RTN2: variants seen among roughly 807,000 people sequenced by gnomAD.
The protein encoded by RTN2 is reticulon 2, also known as reticulon-2.
In RTN2, 36 loss-of-function variants were observed where a neutral mutation model predicts 63.7. That is an observed-to-expected ratio of 0.56 (90% CI 0.43 to 0.75). RTN2 has a LOEUF of 0.75. Among genes scored for constraint, RTN2 ranks in the 30% least tolerant of loss-of-function variants. RTN2 has a pLI of 0.00. For missense variants in RTN2, 673 were observed against 705.1 expected (o/e 0.95, Z 0.52); for synonymous variants, 312 against 313.0 (o/e 1.00, Z 0.03).
At chr19:45,491,285 T>C (rs1224739623) in intron 5 of RTN2, among the ~76,000 whole-genome samples, 2 of 150,342 alleles carry the variant, frequency 1.3e-5, no homozygotes, top group African/African-American at 4.9e-5. Context: ...AGCCTCTACC[T>C]CCCAGAGTCA....
chr19:45,496,647 C>T (rs768663970), intron 1 of RTN2, 145 bp downstream of exon 1: 12 of 479,202 alleles, frequency 2.5e-5, no homozygotes, highest in Admixed American at 4.5e-5. Flanking sequence ...GCCGCCAGAG[C>T]GCGGGGGAGG....
rs1217721335 is a variant in RTN2 at position 45,491,432 on chromosome 19, C to T, written c.1033+1728G>A. Reference sequence around the variant, plus strand: ...CTGGAGTACAGTGGCATGATCTCAGCTCACTGCAGCCTCTGCCTCCCGAGT... The same window carrying T: ...CTGGAGTACAGTGGCATGATCTCAGTTCACTGCAGCCTCTGCCTCCCGAGT... On this transcript the variant is annotated intron_variant, in intron 5 of 10. Coordinates refer to ENST00000245923, the MANE Select transcript of RTN2 (RefSeq NM_005619.5). Among the ~76,000 whole-genome samples, 11 of 151,058 alleles carry T rather than the reference C, an allele frequency of 7.3e-5. No homozygotes were observed. The East Asian group carries it at 1.7e-3, about 24-fold the overall frequency.
At position 45,489,507 on chromosome 19, in the gene RTN2, G is replaced by A. The variant is rs1336024364; in HGVS notation, c.1080C>T (p.Val360=). The A allele has an allele frequency of 1.9e-6, 3 of 1,611,612 alleles. No homozygotes were observed. The South Asian group carries it at 3.3e-5, about 18-fold the overall frequency. ...GGAGGGAGACCATCAGGCCTGTGAA[G>A]ACCACTCCTGACGTCCTCGTGTCCT... ...YWKDTRTSGV[V]FTGLMVSLLC... The change falls in exon 6 of 11, where the codon GTC becomes GTT. Residue 360 remains valine (V), a synonymous_variant. Coordinates refer to ENST00000245923, the MANE Select transcript of RTN2 (RefSeq NM_005619.5).
intron 10 of RTN2, 54 bp downstream of exon 10, chr19:45,486,001 G>A: frequency 3.9e-6 from 6 of 1,555,408 alleles, no homozygotes; most frequent in Non-Finnish European, 5.3e-6. Context: ...GAAAGGAAAG[G>A]TTCCCAAGCT....
intron 5 of RTN2, among the ~76,000 whole-genome samples, chr19:45,490,963 T>C (rs1968145731): frequency 6.6e-6 from 1 of 151,688 alleles, no homozygotes; most frequent in African/African-American, 2.4e-5. Flanking sequence ...CTCGGCTCAC[T>C]GCAACCTCCA....
chr19:45,493,453 G>A, intron 4 of RTN2, 75 bp from the exon 5 acceptor site: 1 of 1,140,016 alleles, frequency 8.8e-7, no homozygotes, highest in Non-Finnish European at 1.3e-6. Context: ...AGGAAAAAGA[G>A]GGTTTTTGTT....
chr19:45,491,971 C>G (rs1477217044), intron 5 of RTN2, among the ~76,000 whole-genome samples: 1 of 152,082 alleles, frequency 6.6e-6, no homozygotes. Context: ...ACACTGCTTA[C>G]TAGTAAGACC....
chr19:45,495,531 C>T (rs1968252638), intron 1 of RTN2, among the ~76,000 whole-genome samples: 1 of 152,096 alleles, frequency 6.6e-6, no homozygotes, highest in South Asian at 2.1e-4. Context: ...TATATGACGT[C>T]GGGTGCAGAT....
At position 45,485,632 on chromosome 19, in the gene RTN2, G is replaced by A. The variant is rs1281450558; in HGVS notation, c.*76C>T. 3 of 1,212,226 alleles carry A rather than the reference G, an allele frequency of 2.5e-6. No homozygotes were observed. The highest frequency in any genetic ancestry group is 3.6e-6 in the Non-Finnish European group (3 of 827,342). The allele number at this position is 1,212,226 out of a possible 1,614,324, so 75.1% of individuals were successfully genotyped here. A position where few individuals can be genotyped will look rare whatever the true frequency, so the allele number is the denominator to read the frequency against. On this transcript the variant is annotated 3_prime_UTR_variant, in exon 11 of 11. Transcript: ENST00000245923. The stretch of plus-strand genomic sequence containing the variant: ...TCGGGCCGAGGAGGGGGGTGGGTGG[G>A]AACGGACAAGAGATGGAGGGGGCCA...
intron 5 of RTN2, among the ~76,000 whole-genome samples, chr19:45,490,242 C>CA (rs1306493506): frequency 6.6e-6 from 1 of 152,086 alleles, no homozygotes; most frequent in East Asian, 1.9e-4. Flanking sequence ...CCTCGTGGTC[C>CA]ACCCGCCTTG....
intron 5 of RTN2, among the ~76,000 whole-genome samples, chr19:45,490,363 T>A (rs1366008628): frequency 6.6e-6 from 1 of 152,154 alleles, no homozygotes; most frequent in Non-Finnish European, 1.5e-5. Flanking sequence ...TGTGCTCTCA[T>A]TCATTTTATT....
chr19:45,496,290 T>C (rs1405094664), intron 1 of RTN2, among the ~76,000 whole-genome samples: 1 of 152,242 alleles, frequency 6.6e-6, no homozygotes, highest in Non-Finnish European at 1.5e-5. Context: ...TAAGAACCCA[T>C]GAGTCCTTGC....
chr19:45,491,626 G>T (rs906651472), intron 5 of RTN2, among the ~76,000 whole-genome samples: 1 of 151,122 alleles, frequency 6.6e-6, no homozygotes, highest in Admixed American at 6.6e-5. Context: ...CTGCCTCCCG[G>T]GTTCACGCCA....
At chr19:45,493,474 AAT>A in intron 4 of RTN2, 96 bp from the exon 5 acceptor site, 2 of 916,988 alleles carry the variant, frequency 2.2e-6, no homozygotes, top group South Asian at 3.0e-5. Context: ...TGTTTTTTCA[AAT>A]AGAGATCGAG....
rs145983685 is a variant in RTN2 at position 45,489,136 on chromosome 19, G to GGGGTCA, written c.1242-156_1242-151dup. Reference sequence around the variant, plus strand: ...TCAGAGGAATCATATGTAGAGGGCTGGGGTCAGGGTCAGGGTCAGGGGAAG... The same window carrying GGGGTCA: ...TCAGAGGAATCATATGTAGAGGGCTGGGGTCAGGGTCAGGGTCAGGGTCAGGGGAAG... On this transcript the variant is annotated intron_variant, in intron 6 of 10. Coordinates refer to ENST00000245923, the MANE Select transcript of RTN2 (RefSeq NM_005619.5). 5.9e-3 allele frequency: 5,665 copies of GGGGTCA among 963,338 alleles called. 234 individuals are homozygous for GGGGTCA. In the African/African-American group the frequency reaches 0.082, roughly 14 times the overall value. 59.7% of individuals were successfully genotyped at this position (963,338 alleles called of 1,614,324 possible).
intron 4 of RTN2, 88 bp from the exon 5 acceptor site, chr19:45,493,466 T>G: frequency 1.0e-6 from 1 of 988,144 alleles, no homozygotes; most frequent in Non-Finnish European, 1.5e-6. Context: ...TTTTTGTTTG[T>G]TTTTTCAAAT....
rs1968242567 is a variant in RTN2 at position 45,494,953 on chromosome 19, T to G, written c.132A>C (p.Ser44=). 2 of 1,613,938 alleles carry G rather than the reference T, an allele frequency of 1.2e-6. No homozygotes were observed. The highest frequency in any genetic ancestry group is 1.7e-6 in the Non-Finnish European group (2 of 1,179,944). ...FRELHTAREF[S]EEDEEETTSQ... ...ACGTGGTCTCCTCCTCGTCCTCCTC[T>G]GAGAATTCCCGGGCTGTGTGCAGCT... The change falls in exon 3 of 11, where the codon TCA becomes TCC. Residue 44 remains serine, a synonymous_variant. Coordinates refer to ENST00000245923, the MANE Select transcript of RTN2 (RefSeq NM_005619.5). This position sits in a 1 kb window ranked among gnomAD's most constrained non-coding sequence, Gnocchi z 5.3.
chr19:45,496,674 C>G, intron 1 of RTN2, 118 bp downstream of exon 1: 1 of 611,342 alleles, frequency 1.6e-6, no homozygotes, highest in Non-Finnish European at 2.5e-6. Context: ...CTTCCTTTGT[C>G]TCCTATGCCT....
Position 45,494,354 on chromosome 19 carries a change from G to A in RTN2, c.626C>T (p.Pro209Leu), listed in dbSNP as rs746817409. ...ACCGGCCTGGGGTGTCCCAGAGCCCGGACTGAGCTGGGGAGTCAAGACCTC... is the reference window on the plus strand; with the variant it reads ...ACCGGCCTGGGGTGTCCCAGAGCCCAGACTGAGCTGGGGAGTCAAGACCTC... The part of the protein sequence containing the change: ...SPEVLTPQLS[P>L]GSGTPQAGTP... Residue 209 changes from proline (P) to leucine (L), a missense_variant, in exon 4 of 11, where the codon CCG becomes CTG. By Grantham distance (98) the Pro-to-Leu change is moderately conservative. Transcript: ENST00000245923. The surrounding 1 kb of genome is among the most constrained non-coding windows in gnomAD (Gnocchi z 5.3). 25 of 1,614,126 alleles carry A rather than the reference G, an allele frequency of 1.5e-5. No homozygotes were observed. The highest frequency in any genetic ancestry group is 1.1e-4 in the East Asian group (5 of 44,870).
Sources: gnomAD v4.1 joint callset for allele counts (sites outside exome capture counted in the v4.1 genomes callset) on GRCh38, gnomAD v4.1.1 for gene constraint, Gnocchi (gnomAD v3.1) non-coding constraint, MANE v1.5 for transcripts, NCBI Gene and HGNC (gene_info 2026-07-23, HGNC 2026-07-21) for gene names.